Variants in SKOR2 observed in about 807,000 individuals in gnomAD.
SKOR2 encodes the protein LBX1 corepressor 1-like protein.
SKOR2 carries 47 observed loss-of-function variants against 69.1 expected under a neutral mutation model. That is an observed-to-expected ratio of 0.68 (90% CI 0.54 to 0.87). SKOR2 has a LOEUF of 0.87. Ranked by LOEUF, SKOR2 falls within the 40% of genes least tolerant of loss-of-function variation. The pLI, the probability that SKOR2 is intolerant of heterozygous loss-of-function variation, is 0.00. For synonymous variants in SKOR2, 717 were observed against 672.6 expected (o/e 1.07, Z -1.02); for missense variants, 1,404 against 1,472.2 (o/e 0.95, Z 0.76).
intron 4 of SKOR2, among the ~76,000 whole-genome samples, chr18:47,240,762 T>C (rs1027377294): frequency 2.6e-5 from 4 of 152,190 alleles, no homozygotes; most frequent in Non-Finnish European, 5.9e-5. Context: ...TTTAAAGGGA[T>C]CAATTAAATA....
rs11433396 is a variant in SKOR2, at chr18:47,235,780, C to CAAAAAAAAAAAAAAAAA, written c.2753-4797_2753-4781dup. On this transcript the variant is annotated intron_variant, in intron 4 of 8. Coordinates refer to ENST00000425639, the MANE Select transcript of SKOR2 (RefSeq NM_001278063.4). Reference sequence around the variant, plus strand: ...GGACTATATGAACAACACAAACAAGCAAAAAAAAAAAAAAAAAAAAACAGC... The same window carrying CAAAAAAAAAAAAAAAAA: ...GGACTATATGAACAACACAAACAAGCAAAAAAAAAAAAAAAAAAAAAAAAAAAAAAAAAAAAAACAGC... Among the ~76,000 whole-genome samples the CAAAAAAAAAAAAAAAAA allele has an allele frequency of 5.1e-5, 3 of 59,276 alleles. 1 individual carries two copies. Among genetic ancestry groups the CAAAAAAAAAAAAAAAAA allele is most frequent in the Non-Finnish European group, 3.6e-5 (1 of 27,408 alleles). 38.9% of individuals were successfully genotyped at this position (59,276 alleles called of 152,430 possible). A position where few individuals can be genotyped will look rare whatever the true frequency, so the allele number is the denominator to read the frequency against.
intron 4 of SKOR2, among the ~76,000 whole-genome samples, chr18:47,231,778 G>A (rs939520019): frequency 6.6e-6 from 1 of 151,510 alleles, no homozygotes; most frequent in Non-Finnish European, 1.5e-5. Flanking sequence ...GGGAGGCGGA[G>A]GTTGCGGTGA....
chr18:47,242,883 T>C (rs1320121968), intron 4 of SKOR2, among the ~76,000 whole-genome samples: 1 of 152,210 alleles, frequency 6.6e-6, no homozygotes, highest in African/African-American at 2.4e-5. Context: ...GTCTTAATAC[T>C]GGTGAATGGA....
intron 7 of SKOR2, among the ~76,000 whole-genome samples, chr18:47,212,565 A>ATGATTTCTTTATAACAGACG (rs1289636964): frequency 7.2e-5 from 11 of 152,242 alleles, no homozygotes; most frequent in Admixed American, 5.9e-4. Flanking sequence ...GTTTATTAGA[A>ATGATTTCTTTATAACAGACG]TGATTTCTTT....
In SKOR2 at chr18:47,247,616, G is replaced by A. The variant is rs1027265981; in HGVS notation, c.1568C>T (p.Ala523Val). ...CTGCCCCGGCGGGGGCGCGGCCTCG[G>A]CGCTCCCAGCAGCACCGCCTGGCTC... Reference protein sequence around the residue: ...LAEPGGAAGSAEAAPPPGQPP... With the variant: ...LAEPGGAAGSVEAAPPPGQPP... The change falls in exon 2 of 9, where the codon GCC becomes GTC. Residue 523 changes from alanine to valine, a missense_variant. Transcript: ENST00000425639. The surrounding 1 kb of genome is among the most constrained non-coding windows in gnomAD (Gnocchi z 6.6). 12 of 1,282,984 alleles carry A rather than the reference G, an allele frequency of 9.4e-6. No individual in the cohort carries two copies. In the Admixed American group the frequency reaches 4.4e-4, roughly 47 times the overall value. 79.5% of individuals were successfully genotyped at this position (1,282,984 alleles called of 1,614,324 possible).
intron 6 of SKOR2, among the ~76,000 whole-genome samples, chr18:47,223,384 G>A (rs1484748916): frequency 1.3e-5 from 2 of 152,176 alleles, no homozygotes; most frequent in Non-Finnish European, 2.9e-5. Flanking sequence ...GATACATGCT[G>A]TTCCAAAGAT....
In SKOR2 at chr18:47,246,629, C is replaced by T; in HGVS notation, c.2555G>A (p.Ser852Asn). The T allele has an allele frequency of 6.6e-7, 1 of 1,521,270 alleles. No homozygotes were observed. The allele number at this position is 1,521,270 out of a possible 1,614,324, so 94.2% of individuals were successfully genotyped here. ...APQKASGGGS[S>N]SPGSPVHHPS... ...ATGGTGAACTGGGCTGCCCGGGCTG[C>T]TGCTGCCGCCGCCACTCGCCTTCTG... is the stretch of plus-strand genomic sequence containing the variant. Residue 852 changes from serine to asparagine, a missense_variant, in exon 2 of 9, where the codon AGC (serine) becomes AAC (asparagine). This residue lies in a region of SKOR2 where 1,266 missense variants were observed against 1,309.9 expected (regional missense o/e 0.97). Coordinates refer to ENST00000425639, the MANE Select transcript of SKOR2 (RefSeq NM_001278063.4).
intron 7 of SKOR2, among the ~76,000 whole-genome samples, chr18:47,217,215 A>C (rs1333253795): frequency 6.6e-6 from 1 of 152,194 alleles, no homozygotes; most frequent in Non-Finnish European, 1.5e-5. Context: ...TACTTTGAGA[A>C]GGGCCACACC....
Position 47,248,075 on chromosome 18 carries a change from G to C in SKOR2, c.1109C>G (p.Ala370Gly). Residue 370 changes from alanine to glycine, a missense_variant, in exon 2 of 9, where the codon GCC becomes GGC. Ala to Gly is a moderately conservative substitution (Grantham distance 60, BLOSUM62 0). Around this residue, in one of 3 missense-constraint regions of SKOR2, gnomAD observed 1,266 missense variants for 1,309.9 expected, o/e 0.97. Coordinates refer to ENST00000425639, the MANE Select transcript of SKOR2 (RefSeq NM_001278063.4). The surrounding 1 kb of genome is among the most constrained non-coding windows in gnomAD (Gnocchi z 6.4). ...VGVGAGAGAG[A>G]GAGAKGPRSY... is the part of the protein sequence containing the mutation. ...GCGCGGGCCTTTGGCCCCTGCCCCG[G>C]CACCCGCCCCCGCGCCCGCGCCCAC... is the stretch of plus-strand genomic sequence containing the variant. 1 of 1,399,872 alleles carries C rather than the reference G, an allele frequency of 7.1e-7. No individual in the cohort carries two copies. Among genetic ancestry groups the C allele is most frequent in the Non-Finnish European group, 9.3e-7 (1 of 1,078,200 alleles). The allele number at this position is 1,399,872 out of a possible 1,614,324, so 86.7% of individuals were successfully genotyped here. A position where few individuals can be genotyped will look rare whatever the true frequency, so the allele number is the denominator to read the frequency against.
At chr18:47,226,870 A>C (rs79637527) in intron 6 of SKOR2, among the ~76,000 whole-genome samples, 2,976 of 152,234 alleles carry the variant, frequency 0.02, 91 homozygotes, top group African/African-American at 0.068. Context: ...GAGATCAGGG[A>C]ATTTTCCTAA....
intron 7 of SKOR2, among the ~76,000 whole-genome samples, chr18:47,214,692 A>G (rs75228657): frequency 0.053 from 8,010 of 152,254 alleles, 255 homozygotes; most frequent in East Asian, 0.09. Flanking sequence ...CTTTTACTTT[A>G]TGATTCATCA....
intron 6 of SKOR2, among the ~76,000 whole-genome samples, chr18:47,229,417 G>A (rs1209392765): frequency 1.3e-5 from 2 of 152,134 alleles, no homozygotes; most frequent in Non-Finnish European, 2.9e-5. Flanking sequence ...ACTTTGGGAG[G>A]CCGAGGTGGG....
chr18:47,246,358 A>G (rs2144514003), intron 2 of SKOR2, among the ~76,000 whole-genome samples: 1 of 152,332 alleles, frequency 6.6e-6, no homozygotes, highest in East Asian at 1.9e-4. Context: ...GCGGCCCCAA[A>G]GCCTTTGAAA....
intron 1 of SKOR2, 113 bp from the exon 2 acceptor site, chr18:47,249,343 G>C (rs554823760): frequency 9.8e-7 from 1 of 1,021,230 alleles, no homozygotes; most frequent in South Asian, 1.7e-5. Flanking sequence ...GTTAAGACAC[G>C]ATTATTACTG....
At chr18:47,245,671 G>C (rs553189151) in intron 2 of SKOR2, 110 bp from the exon 3 acceptor site, 36 of 944,296 alleles carry the variant, frequency 3.8e-5, no homozygotes, top group Middle Eastern at 2.4e-4. Context: ...TGGAGCCTCA[G>C]GAGACATCAT....
chr18:47,230,492 C>G lies in SKOR2; in HGVS notation c.2884G>C (p.Val962Leu). The G allele has an allele frequency of 6.9e-7, 1 of 1,452,746 alleles. No homozygotes were observed. Among genetic ancestry groups the G allele is most frequent in the East Asian group, 2.6e-5 (1 of 38,674 alleles). 90.0% of individuals were successfully genotyped at this position (1,452,746 alleles called of 1,614,324 possible). Residue 962 changes from valine to leucine, a missense_variant, in exon 6 of 9, where the codon GTG becomes CTG. This residue lies in a region of SKOR2 where 1,266 missense variants were observed against 1,309.9 expected (regional missense o/e 0.97). Coordinates refer to ENST00000425639, the MANE Select transcript of SKOR2 (RefSeq NM_001278063.4). ...GGGAAAGATGTGTTTCCTTTTAACA[C>G]CTGGAATTCTTGTTCCAGTCGTCTC... ...LRRRLEQEFQ[V>L]LKGNTSFPVF... is the part of the protein sequence containing the mutation.
chr18:47,230,927 T>C lies in SKOR2; in HGVS notation c.2818+8A>G, dbSNP rs1480926051. The C allele has an allele frequency of 6.5e-7, 1 of 1,535,532 alleles. No individual in the cohort carries two copies. On this transcript the variant is annotated splice_region_variant and intron_variant, in intron 5 of 8. Coordinates refer to ENST00000425639, the MANE Select transcript of SKOR2 (RefSeq NM_001278063.4). ...GAGAAGTTCTACAGAATTGAAACTT[T>C]CATTTACCTTTCCCCATATTTTCTA...
At chr18:47,239,274 T>G (rs1190597218) in intron 4 of SKOR2, among the ~76,000 whole-genome samples, 2 of 152,212 alleles carry the variant, frequency 1.3e-5, no homozygotes, top group Non-Finnish European at 2.9e-5. Flanking sequence ...TTCTAATTTC[T>G]TGGTGTTAAA....
rs1476492538 is a variant in SKOR2, at chr18:47,248,208, C to G, written c.976G>C (p.Ala326Pro). 4.9e-6 allele frequency: 6 copies of G among 1,230,690 alleles called. No individual in the cohort carries two copies. Among genetic ancestry groups the G allele is most frequent in the Non-Finnish European group, 6.1e-6 (6 of 989,376 alleles). 76.2% of individuals were successfully genotyped at this position (1,230,690 alleles called of 1,614,324 possible). A position where few individuals can be genotyped will look rare whatever the true frequency, so the allele number is the denominator to read the frequency against. ...DSLQEAAVVAAASLSAAAASL... is the reference protein window; with the variant it reads ...DSLQEAAVVAPASLSAAAASL... Reference sequence around the variant, plus strand: ...GCGGCTGCGGCCGAGAGGCTGGCGGCGGCCACTACGGCGGCCTCCTGCAAG... The same window carrying G: ...GCGGCTGCGGCCGAGAGGCTGGCGGGGGCCACTACGGCGGCCTCCTGCAAG... Residue 326 changes from alanine to proline, a missense_variant, in exon 2 of 9, where the codon GCC becomes CCC. By Grantham distance (27) the Ala-to-Pro change is conservative. Transcript: ENST00000425639. The surrounding 1 kb of genome is among the most constrained non-coding windows in gnomAD (Gnocchi z 6.4).
Sources: allele counts gnomAD v4.1 joint callset (sites outside exome capture counted in the v4.1 genomes callset), GRCh38; gene constraint gnomAD v4.1.1; regional missense constraint gnomAD v4.1.1; non-coding constraint Gnocchi (gnomAD v3.1); transcripts MANE v1.5; gene names NCBI Gene and HGNC (gene_info 2026-07-23, HGNC 2026-07-21).